The following TMEM260 variants were observed in gnomAD, a reference collection of about 807,000 sequenced individuals.
TMEM260 encodes the protein protein O-mannosyl-transferase TMEM260.
TMEM260 carries 82 observed loss-of-function variants against 88.9 expected under a neutral mutation model. That is an observed-to-expected ratio of 0.92 (90% CI 0.77 to 1.11). The LOEUF is 1.11. Ranked by LOEUF, TMEM260 falls within the 50% of genes least tolerant of loss-of-function variation. TMEM260 has a pLI of 0.00. For synonymous variants in TMEM260, 314 were observed against 309.3 expected, an observed-to-expected ratio of 1.02 and a Z score of -0.16; for missense variants, 902 against 853.4, an observed-to-expected ratio of 1.06 and a Z score of -0.71.
At chr14:56,656,679 T>C in the TMEM260 span, among the ~76,000 whole-genome samples, 1 of 152,196 alleles carries the variant, frequency 6.6e-6, no homozygotes, top group African/African-American at 2.4e-5. Flanking sequence ...CTTGTCTCTC[T>C]AGTATGTTTA....
At chr14:56,612,459 TATTGGTTACAGGA>T in intron 7 of TMEM260, 174 bp downstream of exon 7, 1 of 618,512 alleles carries the variant, frequency 1.6e-6, no homozygotes, top group Non-Finnish European at 2.8e-6. Context: ...ATCCATGGGG[TATTGGTTACAGGA>T]ACTCCTAAGG....
At position 56,648,265 on chromosome 14, in the gene TMEM260, G is replaced by C. The variant is rs1221398188; in HGVS notation, c.*768G>C. 6.6e-6 allele frequency: 1 copy of C among 151,770 alleles called. No individual in the cohort carries two copies. Among genetic ancestry groups the C allele is most frequent in the Non-Finnish European group, 1.5e-5 (1 of 67,956 alleles). The allele number at this position is 151,770 out of a possible 1,614,324, so 9.4% of individuals were successfully genotyped here. On this transcript the variant is annotated 3_prime_UTR_variant, in exon 16 of 16. Coordinates refer to ENST00000261556, the MANE Select transcript of TMEM260 (RefSeq NM_017799.4). The stretch of plus-strand genomic sequence containing the variant: ...AATGCAAAGGGGAAAAAAAGGCAGG[G>C]ATTGGGGGGGATGGGGAAGTGGCCC...
At chr14:56,622,660 A>G (rs1417661294) in intron 11 of TMEM260, among the ~76,000 whole-genome samples, 1 of 152,176 alleles carries the variant, frequency 6.6e-6, no homozygotes, top group South Asian at 2.1e-4. Flanking sequence ...CCATAGATAC[A>G]TAAAAGGGAA....
At chr14:56,653,473 C>A (rs2345110), downstream of TMEM260, among the ~76,000 whole-genome samples, 104,808 of 151,764 alleles carry the variant, frequency 0.69, 37,762 homozygotes, top group Non-Finnish European at 0.8. Flanking sequence ...GTGGCTCACA[C>A]CCATAATTCC....
chr14:56,616,353 T>C (rs1887593236), intron 8 of TMEM260: 1 of 185,162 alleles, frequency 5.4e-6, no homozygotes, highest in Non-Finnish European at 1.1e-5. Flanking sequence ...CCTCTGATGA[T>C]AAAAGTGATC....
intron 13 of TMEM260, 141 bp downstream of exon 13, chr14:56,633,312 A>G: frequency 1.6e-6 from 1 of 614,352 alleles, no homozygotes; most frequent in South Asian, 2.3e-5. Flanking sequence ...AAAATACCAT[A>G]AAACAACAGA....
At chr14:56,595,707 T>C (rs189543993) in intron 3 of TMEM260, among the ~76,000 whole-genome samples, 3 of 152,240 alleles carry the variant, frequency 2.0e-5, no homozygotes, top group Admixed American at 6.5e-5. Flanking sequence ...AGGCTAGTTA[T>C]GAACCCCCAA....
intron 15 of TMEM260, among the ~76,000 whole-genome samples, chr14:56,642,943 C>T (rs879534339): frequency 4.2e-4 from 64 of 152,278 alleles, no homozygotes; most frequent in South Asian, 6.2e-4. Flanking sequence ...GAGACATACA[C>T]GCTCCCAAGA....
chr14:56,620,867 T>C (rs889385691), intron 10 of TMEM260, among the ~76,000 whole-genome samples: 1 of 152,186 alleles, frequency 6.6e-6, no homozygotes, highest in South Asian at 2.1e-4. Flanking sequence ...TGCCAGTTTT[T>C]CTTTGAAGTT....
chr14:56,609,170 T>C lies in TMEM260; in HGVS notation c.701T>C (p.Val234Ala). ...TTCTCTGCTGGTTTGCTGCCCTATG[T>C]CCACCTTCCCATCTCATCTTACCTT... ...LYFSAGLLPY[V>A]HLPISSYLNH... Residue 234 changes from valine (V) to alanine (A), a missense_variant, in exon 6 of 16, where the codon GTC becomes GCC. By Grantham distance (64) the Val-to-Ala change is moderately conservative (BLOSUM62 0). Coordinates refer to ENST00000261556, the MANE Select transcript of TMEM260 (RefSeq NM_017799.4). 6.2e-7 allele frequency: 1 copy of C among 1,614,158 alleles called. No individual in the cohort carries two copies.
intron 1 of TMEM260, among the ~76,000 whole-genome samples, chr14:56,580,386 T>C (rs1386118636): frequency 6.6e-6 from 1 of 152,230 alleles, no homozygotes; most frequent in African/African-American, 2.4e-5. Flanking sequence ...TCTTTTTTAG[T>C]CCACAGATAT....
chr14:56,640,327 T>A (rs1161326270), intron 15 of TMEM260, among the ~76,000 whole-genome samples: 1 of 152,156 alleles, frequency 6.6e-6, no homozygotes, highest in Non-Finnish European at 1.5e-5. Flanking sequence ...GCAGCTGCAT[T>A]TGCAGTTCAC....
At chr14:56,582,270 A>C (rs1375464461) in intron 1 of TMEM260, among the ~76,000 whole-genome samples, 1 of 152,202 alleles carries the variant, frequency 6.6e-6, no homozygotes, top group African/African-American at 2.4e-5. Context: ...TAGATTCATC[A>C]CATTGTGTCG....
chr14:56,617,952 A>G (rs941432701), intron 9 of TMEM260, among the ~76,000 whole-genome samples: 3 of 152,202 alleles, frequency 2.0e-5, no homozygotes, highest in African/African-American at 4.8e-5. Context: ...AATGCAGCTT[A>G]TATCTGTAGC....
the TMEM260 span, among the ~76,000 whole-genome samples, chr14:56,660,011 A>G: frequency 0.26 from 39,519 of 152,118 alleles, 7,727 homozygotes; most frequent in African/African-American, 0.53. Flanking sequence ...TTGTAGCGAA[A>G]TGATTTGGCT....
At chr14:56,645,022 AG>A (rs1202988727) in intron 15 of TMEM260, among the ~76,000 whole-genome samples, 1 of 151,392 alleles carries the variant, frequency 6.6e-6, no homozygotes, top group Non-Finnish European at 1.5e-5. Flanking sequence ...GTGGAGAAAT[AG>A]GAACACTTTT....
downstream of TMEM260, among the ~76,000 whole-genome samples, chr14:56,653,747 A>ACAAAAAAAC: frequency 6.8e-6 from 1 of 146,806 alleles, no homozygotes; most frequent in East Asian, 1.9e-4. Context: ...AAAACAAAAA[A>ACAAAAAAAC]AAAAAAAACA....
At chr14:56,634,585 A>G (rs1271732987) in intron 13 of TMEM260, among the ~76,000 whole-genome samples, 1 of 152,182 alleles carries the variant, frequency 6.6e-6, no homozygotes, top group East Asian at 1.9e-4. Context: ...GTTCACGCCT[A>G]TAATCCCAGT....
At chr14:56,597,876 T>G (rs1349274018) in intron 3 of TMEM260, among the ~76,000 whole-genome samples, 3 of 152,140 alleles carry the variant, frequency 2.0e-5, no homozygotes, top group African/African-American at 7.2e-5. Context: ...CTTAATTAAC[T>G]AGGTAGATAA....
Sources: gnomAD v4.1 joint callset for allele counts (sites outside exome capture counted in the v4.1 genomes callset) on GRCh38, gnomAD v4.1.1 for gene constraint, MANE v1.5 for transcripts, NCBI Gene and HGNC (gene_info 2026-07-23, HGNC 2026-07-21) for gene names.